PLXNA4: variants seen among roughly 807,000 people sequenced by gnomAD.
PLXNA4 encodes plexin A4, also known as plexin-A4.
PLXNA4 carries 44 observed loss-of-function variants against 191.8 expected under a neutral mutation model. That is an observed-to-expected ratio of 0.23 (90% CI 0.18 to 0.29). PLXNA4 has a LOEUF of 0.29. PLXNA4 is among the 10% of genes least tolerant of loss of function. The pLI is 1.00. For synonymous variants in PLXNA4, 1,082 were observed against 1,009.5 expected (o/e 1.07, Z -1.36); for missense variants, 1,800 against 2,488.8 (o/e 0.72, Z 5.89).
At chr7:132,574,596 G>C (rs894683613) in intron 1 of PLXNA4, among the ~76,000 whole-genome samples, 3 of 152,176 alleles carry the variant, frequency 2.0e-5, no homozygotes, top group Non-Finnish European at 4.4e-5. Flanking sequence ...TTCTTAAAAA[G>C]CAAATAAGGT....
intron 4 of PLXNA4, among the ~76,000 whole-genome samples, chr7:132,252,855 G>A (rs558508389): frequency 8.3e-4 from 126 of 151,098 alleles, no homozygotes; most frequent in African/African-American, 2.7e-3. Context: ...TAAAAAAATC[G>A]TGGCACATCT....
chr7:132,470,755 T>G (rs1796905267), intron 3 of PLXNA4, among the ~76,000 whole-genome samples: 1 of 152,194 alleles, frequency 6.6e-6, no homozygotes, highest in African/African-American at 2.4e-5. Flanking sequence ...ACTGCTGGCT[T>G]TGAAGACGGA....
chr7:132,546,738 C>T (rs1800325468), intron 1 of PLXNA4, among the ~76,000 whole-genome samples: 1 of 152,160 alleles, frequency 6.6e-6, no homozygotes, highest in African/African-American at 2.4e-5. Context: ...CCACCTTAAG[C>T]CTCCCTTTTG....
At chr7:132,479,868 G>C (rs146557695) in intron 3 of PLXNA4, among the ~76,000 whole-genome samples, 5 of 152,238 alleles carry the variant, frequency 3.3e-5, no homozygotes, top group African/African-American at 9.6e-5. Context: ...ATGTTGCCCA[G>C]GCTGGTCTGA....
chr7:132,186,413 G>C (rs546492130), intron 15 of PLXNA4, among the ~76,000 whole-genome samples: 1 of 152,278 alleles, frequency 6.6e-6, no homozygotes, highest in Non-Finnish European at 1.5e-5. Flanking sequence ...TGCATTCTGG[G>C]GTAACCTAGG....
chr7:132,264,680 C>T (rs1258982744), intron 4 of PLXNA4, among the ~76,000 whole-genome samples: 1 of 131,500 alleles, frequency 7.6e-6, no homozygotes, highest in Non-Finnish European at 1.5e-5. Flanking sequence ...GTCGGTCCTC[C>T]CCGCTTTTTT....
chr7:132,282,892 T>A (rs1800538423), intron 4 of PLXNA4, among the ~76,000 whole-genome samples: 1 of 152,058 alleles, frequency 6.6e-6, no homozygotes, highest in Non-Finnish European at 1.5e-5. Context: ...TTATTTATTT[T>A]TTGAGATAGG....
chr7:132,390,098 C>T (rs1383852538), intron 3 of PLXNA4, among the ~76,000 whole-genome samples: 1 of 152,150 alleles, frequency 6.6e-6, no homozygotes, highest in African/African-American at 2.4e-5. Flanking sequence ...AATAATTCTA[C>T]TATAAAGACA....
chr7:132,152,923 G>A (rs1329312264), intron 25 of PLXNA4, among the ~76,000 whole-genome samples: 4 of 152,222 alleles, frequency 2.6e-5, no homozygotes, highest in Non-Finnish European at 4.4e-5. Context: ...AGGTGTTGCA[G>A]CTCCACGCTC....
At chr7:132,622,823 G>T (rs1197354887) in intron 2 of PLXNA4, among the ~76,000 whole-genome samples, 1 of 152,200 alleles carries the variant, frequency 6.6e-6, no homozygotes, top group Non-Finnish European at 1.5e-5. Flanking sequence ...CGAGCTCAGG[G>T]CCAGGGGTGA....
intron 3 of PLXNA4, among the ~76,000 whole-genome samples, chr7:132,349,784 T>TA (rs941196363): frequency 5.9e-5 from 9 of 151,582 alleles, no homozygotes; most frequent in Admixed American, 1.3e-4. Context: ...TTCTTATTAA[T>TA]AAAAAAAAAT....
chr7:132,127,417 G>A lies in PLXNA4; in HGVS notation c.*3062C>T, dbSNP rs1299953894. ...CCCGCAAGCCACATGGACAGCCCCT[G>A]GATGTTTGCTCTGCCAGTGGGGTAA... On this transcript the variant is annotated 3_prime_UTR_variant, in exon 32 of 32. Coordinates refer to ENST00000321063, the MANE Select transcript of PLXNA4 (RefSeq NM_020911.2). The A allele has an allele frequency of 6.6e-6, 1 of 152,232 alleles. No individual in the cohort carries two copies. The highest frequency in any genetic ancestry group is 1.5e-5 in the Non-Finnish European group (1 of 68,026). The allele number at this position is 152,232 out of a possible 1,614,324, so 9.4% of individuals were successfully genotyped here. A position where few individuals can be genotyped will look rare whatever the true frequency, so the allele number is the denominator to read the frequency against.
At chr7:132,629,740 T>C (rs10215786) in intron 2 of PLXNA4, among the ~76,000 whole-genome samples, 1 of 152,238 alleles carries the variant, frequency 6.6e-6, no homozygotes, top group Non-Finnish European at 1.5e-5. Context: ...TCTGGCCAAC[T>C]TGATTTTCAG....
intron 3 of PLXNA4, among the ~76,000 whole-genome samples, chr7:132,362,241 G>T (rs1803974189): frequency 6.6e-6 from 1 of 152,202 alleles, no homozygotes; most frequent in South Asian, 2.1e-4. Flanking sequence ...GTTTGCTGTA[G>T]AGCCACCTGC....
At chr7:132,240,931 T>G (rs1798855990) in intron 5 of PLXNA4, 135 bp downstream of exon 5, 1 of 589,212 alleles carries the variant, frequency 1.7e-6, no homozygotes, top group Non-Finnish European at 2.9e-6. Flanking sequence ...TTGGAAAGGA[T>G]GCAAGGAAGG....
chr7:132,165,750 C>A (rs1037481149), intron 22 of PLXNA4, among the ~76,000 whole-genome samples: 2 of 150,906 alleles, frequency 1.3e-5, no homozygotes, highest in Non-Finnish European at 2.9e-5. Context: ...TGGGGAGGTA[C>A]CAATTTGGCA....
intron 29 of PLXNA4, among the ~76,000 whole-genome samples, chr7:132,143,153 T>TAATC (rs1184729738): frequency 1.3e-5 from 2 of 152,184 alleles, no homozygotes; most frequent in East Asian, 3.9e-4. Context: ...AATAAAAAAA[T>TAATC]AATCACTTTT....
At chr7:132,361,197 C>G (rs991031124) in intron 3 of PLXNA4, among the ~76,000 whole-genome samples, 2 of 152,052 alleles carry the variant, frequency 1.3e-5, no homozygotes, top group African/African-American at 4.8e-5. Context: ...AGAGAAGTGT[C>G]GCAGGTTGGC....
chr7:132,559,846 T>C (rs1585335291), intron 1 of PLXNA4, among the ~76,000 whole-genome samples: 1 of 152,258 alleles, frequency 6.6e-6, no homozygotes, highest in East Asian at 1.9e-4. Context: ...GAACAGATAC[T>C]GCTTGGGTTT....
Sources: gnomAD v4.1 joint callset for allele counts (sites outside exome capture counted in the v4.1 genomes callset) on GRCh38, gnomAD v4.1.1 for gene constraint, MANE v1.5 for transcripts, NCBI Gene and HGNC (gene_info 2026-07-23, HGNC 2026-07-21) for gene names.